The following SPOCK1 variants were observed in gnomAD, a reference collection of about 807,000 sequenced individuals.
The protein encoded by SPOCK1 is SPARC (osteonectin), cwcv and kazal like domains proteoglycan 1, also known as testican-1.
SPOCK1 carries 23 observed loss-of-function variants against 55.3 expected under a neutral mutation model. The observed-to-expected ratio is 0.42, with a 90% CI of 0.30 to 0.59. SPOCK1 has a LOEUF of 0.59. SPOCK1 is among the 20% of genes least tolerant of loss of function. SPOCK1 has a pLI of 0.22. For synonymous variants in SPOCK1, 226 were observed against 221.0 expected (o/e 1.02, Z -0.20); for missense variants, 499 against 552.5 (o/e 0.90, Z 0.97).
At chr5:137,068,935 T>C (rs1278564866) in intron 5 of SPOCK1, among the ~76,000 whole-genome samples, 2 of 152,162 alleles carry the variant, frequency 1.3e-5, no homozygotes, top group East Asian at 1.9e-4. Context: ...CATGCATATC[T>C]GGTGGAGGTT....
chr5:137,444,648 C>A (rs146690470), intron 2 of SPOCK1, among the ~76,000 whole-genome samples: 9 of 152,302 alleles, frequency 5.9e-5, no homozygotes, highest in Non-Finnish European at 1.3e-4. Context: ...TTATTCTTAA[C>A]ACTCTTAGAA....
chr5:137,388,983 A>C (rs981297650), intron 2 of SPOCK1, among the ~76,000 whole-genome samples: 2 of 152,224 alleles, frequency 1.3e-5, no homozygotes, highest in African/African-American at 2.4e-5. Flanking sequence ...GTAGGCAAGA[A>C]AATAGGCCAA....
intron 6 of SPOCK1, among the ~76,000 whole-genome samples, chr5:137,041,004 C>T (rs900807836): frequency 6.6e-6 from 1 of 152,138 alleles, no homozygotes; most frequent in Non-Finnish European, 1.5e-5. Flanking sequence ...ATACATATTT[C>T]TTTAAAAAAA....
chr5:137,074,952 C>T (rs1301283334), intron 5 of SPOCK1, among the ~76,000 whole-genome samples: 2 of 152,148 alleles, frequency 1.3e-5, no homozygotes, highest in Non-Finnish European at 2.9e-5. Flanking sequence ...ATCAGCCCAC[C>T]TCGGCCTCCC....
chr5:137,068,221 C>CTGGTGTT (rs1752547295), intron 5 of SPOCK1, among the ~76,000 whole-genome samples: 1 of 152,126 alleles, frequency 6.6e-6, no homozygotes, highest in Non-Finnish European at 1.5e-5. Flanking sequence ...GCTGGAATAC[C>CTGGTGTT]ACTCCTGGTC....
At chr5:137,422,323 T>A (rs967991507) in intron 2 of SPOCK1, among the ~76,000 whole-genome samples, 2 of 152,228 alleles carry the variant, frequency 1.3e-5, no homozygotes, top group African/African-American at 4.8e-5. Flanking sequence ...TGTATTTGAA[T>A]GTTGGCCTGC....
At chr5:137,101,181 C>T (rs546476514) in intron 5 of SPOCK1, among the ~76,000 whole-genome samples, 3 of 152,138 alleles carry the variant, frequency 2.0e-5, no homozygotes, top group Non-Finnish European at 2.9e-5. Context: ...AAAACAAAAG[C>T]GACATGATCA....
intron 2 of SPOCK1, among the ~76,000 whole-genome samples, chr5:137,356,797 TAATATATATATATATATATA>T (rs1214010385): frequency 1.1e-3 from 28 of 24,378 alleles, no homozygotes; most frequent in East Asian, 8.8e-3. Context: ...TCAAAAAAAA[TAATATATATATATATATATA>T]TATATATATA....
intron 5 of SPOCK1, among the ~76,000 whole-genome samples, chr5:137,101,656 G>A (rs1310494995): frequency 6.6e-6 from 1 of 152,106 alleles, no homozygotes; most frequent in African/African-American, 2.4e-5. Context: ...TAAATTCTGT[G>A]GATGTATTTT....
intron 4 of SPOCK1, among the ~76,000 whole-genome samples, chr5:137,121,330 C>T (rs1753679020): frequency 6.6e-6 from 1 of 152,010 alleles, no homozygotes; most frequent in South Asian, 2.1e-4. Flanking sequence ...AGACTGATAA[C>T]TTTTCCAACA....
chr5:137,265,133 C>T (rs1312422131), intron 3 of SPOCK1, among the ~76,000 whole-genome samples: 8 of 152,158 alleles, frequency 5.3e-5, no homozygotes, highest in Admixed American at 3.3e-4. Flanking sequence ...GGTTTAAAGA[C>T]GGTGATTTTG....
chr5:137,384,576 A>ATATATATATATATATATG lies in SPOCK1; in HGVS notation c.186+113796_186+113797insCATATATATATATATATA, dbSNP rs747142799. Among the ~76,000 whole-genome samples the ATATATATATATATATATG allele has an allele frequency of 1.8e-3, 248 of 140,264 alleles. 5 individuals are homozygous for ATATATATATATATATATG. Among genetic ancestry groups the ATATATATATATATATATG allele is most frequent in the African/African-American group, 6.6e-3 (239 of 36,016 alleles). 92.0% of individuals were successfully genotyped at this position (140,264 alleles called of 152,430 possible). A position where few individuals can be genotyped will look rare whatever the true frequency, so the allele number is the denominator to read the frequency against. ...TATACATACATACATATATATATAT[A>ATATATATATATATATATG]TATGTATGTATTTTTTTTTCCCCCT... On this transcript the variant is annotated intron_variant, in intron 2 of 10. Coordinates refer to ENST00000394945, the MANE Select transcript of SPOCK1 (RefSeq NM_004598.4).
At chr5:137,362,312 A>C (rs1410949414) in intron 2 of SPOCK1, among the ~76,000 whole-genome samples, 1 of 151,948 alleles carries the variant, frequency 6.6e-6, no homozygotes, top group Non-Finnish European at 1.5e-5. Context: ...TTAAGGACTT[A>C]ACACAGACGT....
intron 3 of SPOCK1, among the ~76,000 whole-genome samples, chr5:137,146,512 C>T (rs761039223): frequency 2.6e-5 from 4 of 152,114 alleles, no homozygotes; most frequent in Admixed American, 6.5e-5. Context: ...GCAGACACTC[C>T]CAGTGATTCA....
intron 4 of SPOCK1, among the ~76,000 whole-genome samples, chr5:137,128,864 C>T (rs976327013): frequency 3.3e-5 from 5 of 152,330 alleles, no homozygotes; most frequent in South Asian, 2.1e-4. Context: ...GATTTTCTAT[C>T]TTCTAGATTA....
At chr5:136,992,808 T>C in intron 6 of SPOCK1, 1 of 462,432 alleles carries the variant, frequency 2.2e-6, no homozygotes, top group Non-Finnish European at 3.8e-6. Context: ...GCAAGCAGCC[T>C]TTGTTCAGAA....
chr5:137,422,718 C>T (rs1752527578), intron 2 of SPOCK1, among the ~76,000 whole-genome samples: 1 of 152,192 alleles, frequency 6.6e-6, no homozygotes, highest in Admixed American at 6.5e-5. Flanking sequence ...AACTTCTTTG[C>T]CATGGCTTTG....
chr5:137,229,206 A>G (rs1756003764), intron 3 of SPOCK1, among the ~76,000 whole-genome samples: 1 of 152,232 alleles, frequency 6.6e-6, no homozygotes, highest in African/African-American at 2.4e-5. Context: ...ATTTATAGTT[A>G]AGAACAGTAA....
At chr5:137,442,861 G>A (rs182941634) in intron 2 of SPOCK1, among the ~76,000 whole-genome samples, 7 of 152,324 alleles carry the variant, frequency 4.6e-5, no homozygotes, top group Admixed American at 4.6e-4. Flanking sequence ...TGTTTTTCAT[G>A]TTCCATTTTA....
Sources: gnomAD v4.1 joint callset for allele counts (sites outside exome capture counted in the v4.1 genomes callset) on GRCh38, gnomAD v4.1.1 for gene constraint, MANE v1.5 for transcripts, NCBI Gene and HGNC (gene_info 2026-07-23, HGNC 2026-07-21) for gene names.